Variants in USP3 observed in about 807,000 individuals in gnomAD.
USP3 encodes the protein ubiquitin specific peptidase 3.
USP3 carries 20 observed loss-of-function variants against 72.3 expected under a neutral mutation model. That is an observed-to-expected ratio of 0.28 (90% confidence interval 0.19 to 0.40). The LOEUF is 0.40. Ranked by LOEUF, USP3 falls within the 10% of genes least tolerant of loss-of-function variation. USP3 has a pLI of 1.00. For synonymous variants in USP3, 222 were observed against 225.3 expected, an observed-to-expected ratio of 0.99 and a Z score of 0.13; for missense variants, 479 against 633.9, an observed-to-expected ratio of 0.76 and a Z score of 2.62.
intron 3 of USP3, among the ~76,000 whole-genome samples, chr15:63,549,430 G>C (rs2066403661): frequency 6.6e-6 from 1 of 152,182 alleles, no homozygotes; most frequent in African/African-American, 2.4e-5. Flanking sequence ...AGGTTAATAA[G>C]TCCACTAACA....
intron 11 of USP3, among the ~76,000 whole-genome samples, chr15:63,582,917 G>C (rs1299112477): frequency 6.6e-6 from 1 of 152,164 alleles, no homozygotes; most frequent in Non-Finnish European, 1.5e-5. Flanking sequence ...ATGAGTTACT[G>C]TGAAATGTTG....
rs776729881 is a variant in USP3, at chr15:63,588,794, C to T, written c.1308C>T (p.Asp436=). Residue 436 remains aspartate (D), a synonymous_variant, in exon 13 of 15, where the codon GAC becomes GAT. Coordinates refer to ENST00000380324, the MANE Select transcript of USP3 (RefSeq NM_006537.4). The surrounding 1 kb of genome is among the most constrained non-coding windows in gnomAD (Gnocchi z 4.6). ...TYVEFPLRGL[D]MKCYLLEPEN... Reference sequence around the variant, plus strand: ...TAGAATTTCCACTGAGAGGCCTAGACATGAAATGCTACTTACTAGAGGTAA... The same window carrying T: ...TAGAATTTCCACTGAGAGGCCTAGATATGAAATGCTACTTACTAGAGGTAA... 9 of 1,613,954 alleles carry T rather than the reference C, an allele frequency of 5.6e-6. No individual in the cohort carries two copies. Among genetic ancestry groups the T allele is most frequent in the Middle Eastern group, 1.6e-4 (1 of 6,062 alleles).
intron 8 of USP3, 111 bp downstream of exon 8, chr15:63,563,119 G>A: frequency 1.4e-6 from 1 of 732,872 alleles, no homozygotes; most frequent in East Asian, 3.4e-5. Context: ...ACTTAAGACT[G>A]GTTTGGTGTT....
rs768428851 is a variant in USP3 at position 63,590,801 on chromosome 15, C to T, written c.1538C>T (p.Ala513Val). Residue 513 changes from alanine to valine, a missense_variant, in exon 15 of 15, where the codon GCC becomes GTC. Ala to Val is a moderately conservative substitution (Grantham distance 64, BLOSUM62 0). Coordinates refer to ENST00000380324, the MANE Select transcript of USP3 (RefSeq NM_006537.4). The stretch of plus-strand genomic sequence containing the variant: ...ATCCTTTTCTACGTGGAACACCAGG[C>T]CAAAGCTGGATCGGATAAACTTTAA... Reference protein sequence around the residue: ...AYILFYVEHQAKAGSDKL With the variant: ...AYILFYVEHQVKAGSDKL The T allele has an allele frequency of 2.5e-6, 4 of 1,613,432 alleles. No individual in the cohort carries two copies. In the East Asian group the frequency reaches 8.9e-5, roughly 36 times the overall value.
intron 1 of USP3, among the ~76,000 whole-genome samples, chr15:63,511,722 G>A (rs1485712873): frequency 6.6e-6 from 1 of 152,070 alleles, no homozygotes; most frequent in Non-Finnish European, 1.5e-5. Flanking sequence ...TTTTGTTTCT[G>A]TTAGAGAAGA....
At chr15:63,556,882 A>G (rs1253485716) in intron 5 of USP3, 134 bp downstream of exon 5, 1 of 684,134 alleles carries the variant, frequency 1.5e-6, no homozygotes, top group Non-Finnish European at 2.4e-6. Flanking sequence ...TATTTTACAC[A>G]ATGTTTGCCA....
rs537180466 is a variant in USP3, at chr15:63,589,178, TG to T, written c.1397+168del. 2,184 of 693,436 alleles carry T rather than the reference TG, an allele frequency of 3.1e-3. 7 individuals carry two copies. The highest frequency in any genetic ancestry group is 4.4e-3 in the Non-Finnish European group (1,801 of 409,604). 43.0% of individuals were successfully genotyped at this position (693,436 alleles called of 1,614,324 possible). ...GAAGAGTACTCCTCAGATGATGTTG[TG>T]AAGGCTTAAGGGAAGGTAAATAAAA... On this transcript the variant is annotated intron_variant, in intron 14 of 14. Transcript: ENST00000380324.
rs996287217 is a variant in USP3 at position 63,529,099 on chromosome 15, A to G, written c.92-3548A>G. 2.3e-5 allele frequency: 29 copies of G among 1,260,572 alleles called. No homozygotes were observed. In the Admixed American group the frequency reaches 5.5e-4, roughly 24 times the overall value. 78.1% of individuals were successfully genotyped at this position (1,260,572 alleles called of 1,614,324 possible). A position where few individuals can be genotyped will look rare whatever the true frequency, so the allele number is the denominator to read the frequency against. On this transcript the variant is annotated intron_variant, in intron 1 of 14. Coordinates refer to ENST00000380324, the MANE Select transcript of USP3 (RefSeq NM_006537.4). The surrounding 1 kb of genome is among the most constrained non-coding windows in gnomAD (Gnocchi z 4.2). ...AGGCTGGCCTCGAACTCTAGGCTCA[A>G]GTGATTCTTCTGCCTCAGCCTCCCA... is the stretch of plus-strand genomic sequence containing the variant.
intron 8 of USP3, 86 bp downstream of exon 8, chr15:63,563,094 C>G (rs992710758): frequency 1.1e-6 from 1 of 884,284 alleles, no homozygotes; most frequent in African/African-American, 1.7e-5. Flanking sequence ...TGGTTGTATT[C>G]TAAATATTCT....
intron 1 of USP3, among the ~76,000 whole-genome samples, chr15:63,511,005 A>G (rs749221944): frequency 1.4e-4 from 21 of 152,126 alleles, no homozygotes; most frequent in Non-Finnish European, 2.5e-4. Context: ...GTGATTATCT[A>G]TAGTAATTCC....
intron 6 of USP3, among the ~76,000 whole-genome samples, chr15:63,558,710 A>G (rs1033530109): frequency 6.6e-6 from 1 of 152,024 alleles, no homozygotes; most frequent in Non-Finnish European, 1.5e-5. Flanking sequence ...CCCCATCTCT[A>G]CTAAAAATAC....
intron 3 of USP3, among the ~76,000 whole-genome samples, chr15:63,547,810 GAGGCAT>G (rs2066364662): frequency 4.8e-5 from 4 of 83,006 alleles, no homozygotes; most frequent in South Asian, 4.1e-4. Flanking sequence ...GGCATAGAGA[GAGGCAT>G]AGAGAGAGAG....
chr15:63,571,512 A>G (rs1414567455), intron 9 of USP3, among the ~76,000 whole-genome samples: 1 of 152,224 alleles, frequency 6.6e-6, no homozygotes, highest in African/African-American at 2.4e-5. Flanking sequence ...CAATATAGAA[A>G]GGGAAGGACC....
At chr15:63,569,892 G>A (rs983699390) in intron 8 of USP3, among the ~76,000 whole-genome samples, 1 of 152,204 alleles carries the variant, frequency 6.6e-6, no homozygotes, top group African/African-American at 2.4e-5. Flanking sequence ...TCAGTAAAGT[G>A]TTTCTTCCTT....
chr15:63,562,883 C>A lies in USP3; in HGVS notation c.648-12C>A. On this transcript the variant is annotated splice_polypyrimidine_tract_variant and intron_variant, in intron 7 of 14. Transcript: ENST00000380324. Reference sequence around the variant, plus strand: ...CACTAATCTGAGGGCACTGTCCTTTCCTCTTTTGCAGGTCTTTGGTAGAAG... The same window carrying A: ...CACTAATCTGAGGGCACTGTCCTTTACTCTTTTGCAGGTCTTTGGTAGAAG... 8 of 1,588,396 alleles carry A rather than the reference C, an allele frequency of 5.0e-6. No homozygotes were observed. Among genetic ancestry groups the A allele is most frequent in the Non-Finnish European group, 6.9e-6 (8 of 1,164,488 alleles).
At chr15:63,559,629 C>T (rs1567115283) in intron 6 of USP3, among the ~76,000 whole-genome samples, 1 of 152,032 alleles carries the variant, frequency 6.6e-6, no homozygotes, top group Non-Finnish European at 1.5e-5. Context: ...GTTTTCAGCT[C>T]TTTGTTTTTT....
chr15:63,508,691 C>T (rs983242388), intron 1 of USP3, among the ~76,000 whole-genome samples: 1 of 152,058 alleles, frequency 6.6e-6, no homozygotes, highest in Non-Finnish European at 1.5e-5. Flanking sequence ...TGGGAAAAAA[C>T]AAAAATTGTT....
chr15:63,580,007 A>AG (rs2066925857), intron 11 of USP3, among the ~76,000 whole-genome samples: 1 of 152,174 alleles, frequency 6.6e-6, no homozygotes, highest in South Asian at 2.1e-4. Flanking sequence ...AGACATACTA[A>AG]TTTCACTTAC....
intron 6 of USP3, among the ~76,000 whole-genome samples, chr15:63,558,700 C>G (rs1000999051): frequency 1.3e-5 from 2 of 152,000 alleles, no homozygotes; most frequent in East Asian, 3.9e-4. Flanking sequence ...CATAGTGAAA[C>G]CCCATCTCTA....
Sources: gnomAD v4.1 joint callset for allele counts (sites outside exome capture counted in the v4.1 genomes callset) on GRCh38, gnomAD v4.1.1 for gene constraint, Gnocchi (gnomAD v3.1) non-coding constraint, MANE v1.5 for transcripts, NCBI Gene and HGNC (gene_info 2026-07-23, HGNC 2026-07-21) for gene names.